Variants in MTMR2 observed in about 807,000 individuals in gnomAD.
MTMR2 encodes phosphatidylinositol-3,5-bisphosphate 3-phosphatase MTMR2.
Under a neutral mutation model 86.9 loss-of-function variants are expected in MTMR2, and 55 were observed. That is an observed-to-expected ratio of 0.63 (90% CI 0.51 to 0.79). The LOEUF (loss-of-function observed/expected upper bound fraction) is 0.79. Among genes scored for constraint, MTMR2 ranks in the 30% least tolerant of loss-of-function variants. The pLI, the probability that MTMR2 is intolerant of heterozygous loss-of-function variation, is 0.00. For missense variants in MTMR2, 659 were observed against 772.3 expected, an observed-to-expected ratio of 0.85 and a Z score of 1.74; for synonymous variants, 241 against 266.8, an observed-to-expected ratio of 0.90 and a Z score of 0.94.
At chr11:95,906,323 G>A (rs1211524682) in intron 1 of MTMR2, among the ~76,000 whole-genome samples, 1 of 152,088 alleles carries the variant, frequency 6.6e-6, no homozygotes, top group Non-Finnish European at 1.5e-5. Context: ...AATGGGTAAA[G>A]GATTCAATTC....
chr11:95,896,296 AT>A (rs1401695758), intron 1 of MTMR2, among the ~76,000 whole-genome samples: 1 of 151,498 alleles, frequency 6.6e-6, no homozygotes, highest in Non-Finnish European at 1.5e-5. Flanking sequence ...CAAATGTTTG[AT>A]TAATGATTTT....
intron 4 of MTMR2, 85 bp from the exon 5 acceptor site, chr11:95,862,187 C>A: frequency 6.5e-7 from 1 of 1,529,342 alleles, no homozygotes; most frequent in East Asian, 2.3e-5. Flanking sequence ...ATCAGAAATG[C>A]TTTAATTAGA....
chr11:95,914,412 G>T (rs879606427), intron 1 of MTMR2: 1 of 977,738 alleles, frequency 1.0e-6, no homozygotes, highest in African/African-American at 1.8e-5. Flanking sequence ...GGGAGTGGTG[G>T]GGAGGAGGCT....
At chr11:95,841,771 A>AT in intron 11 of MTMR2, 62 bp from the exon 12 acceptor site, 2 of 1,356,328 alleles carry the variant, frequency 1.5e-6, no homozygotes, top group Non-Finnish European at 1.1e-6. Context: ...GATGGAAATA[A>AT]TTTTTTAAAA....
chr11:95,895,377 A>G (rs898791192), intron 1 of MTMR2, among the ~76,000 whole-genome samples: 4 of 152,096 alleles, frequency 2.6e-5, no homozygotes, highest in African/African-American at 9.7e-5. Context: ...GAAATCACAC[A>G]CACACAAAGG....
chr11:95,923,821 G>T (rs1012756061), intron 1 of MTMR2, 54 bp downstream of exon 1: 2 of 1,541,992 alleles, frequency 1.3e-6, no homozygotes, highest in East Asian at 4.9e-5. Flanking sequence ...GCAGGTCCCC[G>T]GCCCCTCTCC....
intron 10 of MTMR2, among the ~76,000 whole-genome samples, chr11:95,845,866 C>A (rs1363177602): frequency 1.1e-4 from 6 of 56,332 alleles, no homozygotes; most frequent in South Asian, 5.4e-4. Flanking sequence ...AAAAGAAACA[C>A]AAAAGTATGG....
chr11:95,838,149 T>A lies in MTMR2; in HGVS notation c.1538A>T (p.Tyr513Phe). The A allele has an allele frequency of 6.2e-7, 1 of 1,611,640 alleles. No individual in the cohort carries two copies. Among genetic ancestry groups the A allele is most frequent in the Middle Eastern group, 1.7e-4 (1 of 6,054 alleles). Reference protein sequence around the residue: ...YFLITILDHLYSCLFGTFLCN... With the variant: ...YFLITILDHLFSCLFGTFLCN... ...GAGGAATGTTCCGAATAAGCAGCTG[T>A]ATAGGTGGTCCAAAATGGTAATGAG... Residue 513 changes from tyrosine to phenylalanine, a missense_variant, in exon 13 of 15, where the codon TAC becomes TTC. Tyr to Phe is a conservative substitution (Grantham distance 22). Around this residue, in one of 3 missense-constraint regions of MTMR2, gnomAD observed 193 missense variants for 191.6 expected, o/e 1.01. Transcript: ENST00000346299.
intron 2 of MTMR2, among the ~76,000 whole-genome samples, chr11:95,881,558 C>T (rs1865321948): frequency 6.6e-6 from 1 of 152,004 alleles, no homozygotes; most frequent in Non-Finnish European, 1.5e-5. Context: ...TTCTATATCT[C>T]GTTTTAACTT....
intron 7 of MTMR2, 140 bp from the exon 8 acceptor site, chr11:95,850,889 T>C (rs1863992340): frequency 1.3e-6 from 1 of 791,642 alleles, no homozygotes. Flanking sequence ...TGTCAGCCTG[T>C]GGTATCAGGC....
At position 95,841,722 on chromosome 11, in the gene MTMR2, G is replaced by C. The variant is rs775257255; in HGVS notation, c.1387-13C>G. On this transcript the variant is annotated splice_polypyrimidine_tract_variant and intron_variant, in intron 11 of 14. Coordinates refer to ENST00000346299, the MANE Select transcript of MTMR2 (RefSeq NM_016156.6). Reference sequence around the variant, plus strand: ...CATGGCCAACTCTCTGAAGCAAAAAGAGTGAAATATATGAACTTAGGGGGA... The same window carrying C: ...CATGGCCAACTCTCTGAAGCAAAAACAGTGAAATATATGAACTTAGGGGGA... The C allele has an allele frequency of 2.6e-6, 4 of 1,556,776 alleles. No individual in the cohort carries two copies. In the South Asian group the frequency reaches 3.3e-5, roughly 13 times the overall value.
intron 6 of MTMR2, among the ~76,000 whole-genome samples, chr11:95,857,997 T>C (rs563608080): frequency 2.0e-5 from 3 of 152,292 alleles, no homozygotes; most frequent in Admixed American, 6.5e-5. Context: ...AAGACCAACG[T>C]TGATTCCAAA....
chr11:95,839,443 G>A (rs987998397), intron 12 of MTMR2, among the ~76,000 whole-genome samples: 4 of 152,004 alleles, frequency 2.6e-5, no homozygotes, highest in Non-Finnish European at 5.9e-5. Context: ...CTAAGCCTGC[G>A]ATTAGTTTTT....
chr11:95,894,200 T>C (rs1250507315), intron 1 of MTMR2, among the ~76,000 whole-genome samples: 2 of 152,194 alleles, frequency 1.3e-5, no homozygotes, highest in East Asian at 1.9e-4. Context: ...GTCCCATCTA[T>C]CTTGTAGACA....
Position 95,924,003 on chromosome 11 carries a change from A to G in MTMR2, c.-49T>C, listed in dbSNP as rs1180826611. 1.9e-6 allele frequency: 3 copies of G among 1,548,374 alleles called. No homozygotes were observed. The highest frequency in any genetic ancestry group is 1.7e-6 in the Non-Finnish European group (2 of 1,145,192). ...AAAGGCTGAAGCAGTCTTCGCGGCT[A>G]CAGGGCGGGAGAAGCGGAGGGCGGA... On this transcript the variant is annotated 5_prime_UTR_variant, in exon 1 of 15. Transcript: ENST00000346299.
intron 1 of MTMR2, 52 bp downstream of exon 1, chr11:95,923,822 GC>G: frequency 6.5e-7 from 1 of 1,533,844 alleles, no homozygotes; most frequent in Non-Finnish European, 8.8e-7. Flanking sequence ...CAGGTCCCCG[GC>G]CCCTCTCCAT....
rs1863166358 is a variant in MTMR2, at chr11:95,834,533, A to AAAAT, written c.*753_*756dup. 3 of 152,050 alleles carry AAAAT rather than the reference A, an allele frequency of 2.0e-5. No homozygotes were observed. The allele number at this position is 152,050 out of a possible 1,614,324, so 9.4% of individuals were successfully genotyped here. ...ACACTGTAGTAAATAATTAGTTTTT[A>AAAAT]AAATATCTTTCATGATGTTTCTGGT... On this transcript the variant is annotated 3_prime_UTR_variant, in exon 15 of 15. Coordinates refer to ENST00000346299, the MANE Select transcript of MTMR2 (RefSeq NM_016156.6).
intron 5 of MTMR2, among the ~76,000 whole-genome samples, chr11:95,859,361 T>G (rs1864321223): frequency 6.6e-6 from 1 of 152,212 alleles, no homozygotes; most frequent in Non-Finnish European, 1.5e-5. Flanking sequence ...ATGCAGTTAT[T>G]CATGTTCCGG....
intron 1 of MTMR2, among the ~76,000 whole-genome samples, chr11:95,912,087 G>T (rs918129593): frequency 3.5e-5 from 5 of 141,720 alleles, no homozygotes; most frequent in African/African-American, 1.0e-4. Context: ...ACACAGGTGG[G>T]TTTTTTTTTT....
Sources: allele counts gnomAD v4.1 joint callset (sites outside exome capture counted in the v4.1 genomes callset), GRCh38; gene constraint gnomAD v4.1.1; regional missense constraint gnomAD v4.1.1; transcripts MANE v1.5; gene names NCBI Gene and HGNC (gene_info 2026-07-23, HGNC 2026-07-21).